Variants in RGS22 observed in about 807,000 individuals in gnomAD.
The protein encoded by RGS22 is regulator of G protein signaling 22, also known as regulator of G-protein signaling 22.
Under a neutral mutation model 172.9 loss-of-function variants are expected in RGS22, and 148 were observed. The observed-to-expected ratio is 0.86, with a 90% confidence interval of 0.75 to 0.98. The LOEUF is 0.98. RGS22 is among the 50% of genes least tolerant of loss of function. The pLI is 0.00. For synonymous variants in RGS22, 458 were observed against 480.2 expected (o/e 0.95, Z 0.60); for missense variants, 1,347 against 1,440.8 (o/e 0.93, Z 1.05).
At chr8:100,070,196 G>A (rs1476612080) in intron 6 of RGS22, among the ~76,000 whole-genome samples, 1 of 152,106 alleles carries the variant, frequency 6.6e-6, no homozygotes, top group Non-Finnish European at 1.5e-5. Context: ...GGATAACAGT[G>A]TGGAGACTGC....
chr8:100,020,027 G>GGC (rs1003651427), intron 14 of RGS22, among the ~76,000 whole-genome samples: 1 of 152,008 alleles, frequency 6.6e-6, no homozygotes, highest in African/African-American at 2.4e-5. Context: ...TGGAATTACA[G>GGC]GCACCTGCCA....
At chr8:100,017,125 C>T (rs111543054) in intron 14 of RGS22, among the ~76,000 whole-genome samples, 7 of 151,112 alleles carry the variant, frequency 4.6e-5, no homozygotes. Flanking sequence ...CTTTCATCAC[C>T]ATGCTCCACT....
At chr8:100,103,035 G>A (rs2132067439) in intron 2 of RGS22, among the ~76,000 whole-genome samples, 1 of 152,286 alleles carries the variant, frequency 6.6e-6, no homozygotes, top group South Asian at 2.1e-4. Context: ...CTAGCATGTT[G>A]TTAGCATTCA....
chr8:100,099,375 C>G (rs1813287032), intron 2 of RGS22, among the ~76,000 whole-genome samples: 1 of 152,134 alleles, frequency 6.6e-6, no homozygotes, highest in African/African-American at 2.4e-5. Flanking sequence ...TATCTCACAC[C>G]CTTGGTCACC....
chr8:99,972,782 C>T (rs1463187012), intron 23 of RGS22, among the ~76,000 whole-genome samples: 1 of 151,978 alleles, frequency 6.6e-6, no homozygotes, highest in Non-Finnish European at 1.5e-5. Flanking sequence ...GCCTGTAATC[C>T]CAGCACTTTG....
chr8:99,967,294 C>A (rs1810844970), intron 23 of RGS22, among the ~76,000 whole-genome samples: 1 of 151,962 alleles, frequency 6.6e-6, no homozygotes, highest in African/African-American at 2.4e-5. Flanking sequence ...CAAAACTGGG[C>A]AGCTGTTTGG....
intron 22 of RGS22, among the ~76,000 whole-genome samples, chr8:99,981,392 T>G (rs527467836): frequency 8.0e-4 from 122 of 152,232 alleles, no homozygotes; most frequent in African/African-American, 2.8e-3. Context: ...GACACACATA[T>G]TTTACACATT....
At chr8:100,052,214 A>AAT (rs1384066554) in intron 10 of RGS22, among the ~76,000 whole-genome samples, 2,815 of 130,434 alleles carry the variant, frequency 0.022, 362 homozygotes, top group African/African-American at 0.082. Context: ...AACATATATA[A>AAT]ATATACACAT....
Position 99,962,298 on chromosome 8 carries a change from G to T in RGS22, c.*45+96C>A, listed in dbSNP as rs1226636175. The T allele has an allele frequency of 3.9e-6, 3 of 761,276 alleles. No individual in the cohort carries two copies. In the African/African-American group the frequency reaches 5.2e-5, roughly 13 times the overall value. 47.2% of individuals were successfully genotyped at this position (761,276 alleles called of 1,614,324 possible). A position where few individuals can be genotyped will look rare whatever the true frequency, so the allele number is the denominator to read the frequency against. On this transcript the variant is annotated intron_variant, in intron 27 of 27. Transcript: ENST00000360863. ...GACTTATTAGTGGGACATGTTATAT[G>T]TGTGGTATGCTGTGTGTGTGCATGC...
intron 10 of RGS22, among the ~76,000 whole-genome samples, chr8:100,051,474 TATA>T (rs1563669033): frequency 1.0e-5 from 1 of 98,924 alleles, no homozygotes; most frequent in African/African-American, 4.0e-5. Flanking sequence ...AAATATATAT[TATA>T]TATATTTATA....
chr8:100,061,808 A>G (rs949622170), intron 9 of RGS22, among the ~76,000 whole-genome samples: 4 of 152,222 alleles, frequency 2.6e-5, no homozygotes, highest in Admixed American at 6.5e-5. Context: ...TATATACCCA[A>G]AGGAATATAA....
intron 4 of RGS22, among the ~76,000 whole-genome samples, chr8:100,072,775 T>C (rs1811079853): frequency 6.6e-6 from 1 of 151,596 alleles, no homozygotes; most frequent in Admixed American, 6.6e-5. Context: ...TGTGGGAGCC[T>C]ACAGAGACAC....
At chr8:100,028,783 T>A (rs963935271) in intron 14 of RGS22, among the ~76,000 whole-genome samples, 2 of 152,206 alleles carry the variant, frequency 1.3e-5, no homozygotes, top group African/African-American at 4.8e-5. Context: ...AATTATTGAA[T>A]ACTATAGCAG....
chr8:100,031,517 T>C (rs986913797), intron 14 of RGS22, among the ~76,000 whole-genome samples: 2 of 152,166 alleles, frequency 1.3e-5, no homozygotes, highest in African/African-American at 4.8e-5. Flanking sequence ...TTCCATATAA[T>C]TCTCCTAGAC....
chr8:100,039,823 A>G, intron 13 of RGS22, 139 bp downstream of exon 13: 1 of 469,838 alleles, frequency 2.1e-6, no homozygotes, highest in Non-Finnish European at 3.5e-6. Flanking sequence ...AATATTTACT[A>G]AATATTAAAT....
At position 100,039,980 on chromosome 8, in the gene RGS22, G is replaced by A. The variant is rs756659121; in HGVS notation, c.2046C>T (p.Cys682=). The A allele has an allele frequency of 2.5e-5, 39 of 1,564,756 alleles. No individual in the cohort carries two copies. Among genetic ancestry groups the A allele is most frequent in the Admixed American group, 2.3e-4 (12 of 52,590 alleles). The change falls in exon 13 of 28, where the codon TGC becomes TGT. Residue 682 remains cysteine, a synonymous_variant. Transcript: ENST00000360863. ...NRAGFFFTKF[C]EHSGNKLWKN... ...TTTCTACCTTGTTCCCTGAATGCTCGCAGAATTTAGTAAAGAAGAATCCAG... is the reference window on the plus strand; with the variant it reads ...TTTCTACCTTGTTCCCTGAATGCTCACAGAATTTAGTAAAGAAGAATCCAG...
intron 2 of RGS22, among the ~76,000 whole-genome samples, chr8:100,104,623 T>A (rs1448829404): frequency 1.3e-5 from 2 of 152,166 alleles, no homozygotes; most frequent in East Asian, 1.9e-4. Flanking sequence ...AACCTCAGCA[T>A]CTAGGACCAC....
At chr8:100,053,529 C>T (rs1821925506) in intron 9 of RGS22, among the ~76,000 whole-genome samples, 1 of 152,140 alleles carries the variant, frequency 6.6e-6, no homozygotes, top group Non-Finnish European at 1.5e-5. Context: ...TTTAAAACAA[C>T]TTACAGTTTC....
intron 14 of RGS22, among the ~76,000 whole-genome samples, chr8:100,009,379 C>A (rs1385356037): frequency 7.0e-6 from 1 of 143,580 alleles, no homozygotes; most frequent in Non-Finnish European, 1.5e-5. Flanking sequence ...AGATCAAGAT[C>A]ATGCCACTGC....
Sources: gnomAD v4.1 joint callset for allele counts (sites outside exome capture counted in the v4.1 genomes callset) on GRCh38, gnomAD v4.1.1 for gene constraint, MANE v1.5 for transcripts, NCBI Gene and HGNC (gene_info 2026-07-23, HGNC 2026-07-21) for gene names.